GALNT10: variants seen among roughly 807,000 people sequenced by gnomAD.
GALNT10 encodes the protein GalNAc transferase 10.
GALNT10 carries 41 observed loss-of-function variants against 75.0 expected under a neutral mutation model. The observed-to-expected ratio is 0.55, with a 90% CI of 0.43 to 0.71. GALNT10 has a LOEUF of 0.71. Among genes scored for constraint, GALNT10 ranks in the 30% least tolerant of loss-of-function variants. The pLI is 0.00. For synonymous variants in GALNT10, 302 were observed against 313.0 expected (o/e 0.96, Z 0.37); for missense variants, 727 against 818.5 (o/e 0.89, Z 1.36).
chr5:154,222,916 T>C (rs1581926114), intron 1 of GALNT10, among the ~76,000 whole-genome samples: 1 of 152,202 alleles, frequency 6.6e-6, no homozygotes, highest in Non-Finnish European at 1.5e-5. Context: ...CCTAATAAGG[T>C]ATCAGTATCA....
chr5:154,270,240 G>A (rs964336571), intron 1 of GALNT10, among the ~76,000 whole-genome samples: 2 of 149,392 alleles, frequency 1.3e-5, no homozygotes, highest in East Asian at 2.0e-4. Flanking sequence ...TATTTCCTGC[G>A]GTGTGCCCTG....
At chr5:154,279,299 G>GTTT (rs1398081050) in intron 1 of GALNT10, among the ~76,000 whole-genome samples, 4 of 90,902 alleles carry the variant, frequency 4.4e-5, no homozygotes, top group African/African-American at 1.2e-4. Context: ...TGTTGTTGTT[G>GTTT]TTTTGTTTTT....
Position 154,380,646 on chromosome 5 carries a change from C to G in GALNT10, c.938+15C>G. 6.3e-7 allele frequency: 1 copy of G among 1,588,664 alleles called. No individual in the cohort carries two copies. The highest frequency in any genetic ancestry group is 8.6e-7 in the Non-Finnish European group (1 of 1,161,106). On this transcript the variant is annotated intron_variant, in intron 6 of 11. Transcript: ENST00000297107. ...GACCCATTTGAGTAAGTATGAACAA[C>G]CCTGGCTGGTCCCAGTGGCTACCCA...
At chr5:154,338,839 G>A (rs944431334) in intron 4 of GALNT10, among the ~76,000 whole-genome samples, 26 of 152,186 alleles carry the variant, frequency 1.7e-4, no homozygotes, top group African/African-American at 5.6e-4. Context: ...CTGATCCAGA[G>A]AACACAACAT....
intron 1 of GALNT10, among the ~76,000 whole-genome samples, chr5:154,237,124 C>T (rs984445814): frequency 2.0e-5 from 3 of 152,154 alleles, no homozygotes; most frequent in African/African-American, 7.2e-5. Context: ...AGTTTGGGAT[C>T]TTGCAAGTGA....
chr5:154,342,981 G>A (rs1174238405), intron 4 of GALNT10, among the ~76,000 whole-genome samples: 1 of 152,122 alleles, frequency 6.6e-6, no homozygotes, highest in Non-Finnish European at 1.5e-5. Context: ...GATTTTTTCA[G>A]TTGCCACGTG....
intron 4 of GALNT10, among the ~76,000 whole-genome samples, chr5:154,357,547 G>T (rs1002746747): frequency 6.6e-6 from 1 of 152,104 alleles, no homozygotes; most frequent in Non-Finnish European, 1.5e-5. Flanking sequence ...CTTTCAAGGT[G>T]CTGGAAACAG....
rs1046914257 is a variant in GALNT10, at chr5:154,376,723, A to G, written c.754+261A>G. The stretch of plus-strand genomic sequence containing the variant: ...ACCCAAAGTCACACAGCACATGAGC[A>G]TCTAGTGACATGACGGCTTTCCTCA... On this transcript the variant is annotated intron_variant, in intron 5 of 11. Transcript: ENST00000297107. The surrounding 1 kb of genome is among the most constrained non-coding windows in gnomAD (Gnocchi z 4.1). Among the ~76,000 whole-genome samples, 3 of 152,188 alleles carry G rather than the reference A, an allele frequency of 2.0e-5. 1 individual carries two copies. In the South Asian group the frequency reaches 6.2e-4, roughly 32 times the overall value.
chr5:154,355,608 G>C (rs866051177), intron 4 of GALNT10, among the ~76,000 whole-genome samples: 1 of 152,248 alleles, frequency 6.6e-6, no homozygotes, highest in Non-Finnish European at 1.5e-5. Flanking sequence ...AGCTGCCATT[G>C]CATGTCAAAG....
At position 154,249,309 on chromosome 5, in the gene GALNT10, C is replaced by T. The variant is rs150580455; in HGVS notation, c.160-45507C>T. On this transcript the variant is annotated intron_variant, in intron 1 of 11. Transcript: ENST00000297107. The stretch of plus-strand genomic sequence containing the variant: ...ATGCTAATGCTGCCGGACTGGGGAC[C>T]GCACTGTCCTAGGTGCTCTTTCTGT... 2.6e-5 allele frequency among the ~76,000 whole-genome samples: 4 copies of T among 152,258 alleles called. 1 individual carries two copies. The highest frequency in any genetic ancestry group is 1.9e-4 in the East Asian group (1 of 5,186).
chr5:154,305,753 C>T (rs531785391), intron 3 of GALNT10, among the ~76,000 whole-genome samples: 4 of 152,292 alleles, frequency 2.6e-5, no homozygotes, highest in African/African-American at 9.6e-5. Context: ...CACAGTGGCT[C>T]TCACCTGTAA....
chr5:154,383,725 C>G (rs1038931003), intron 6 of GALNT10, among the ~76,000 whole-genome samples: 1 of 152,222 alleles, frequency 6.6e-6, no homozygotes, highest in Non-Finnish European at 1.5e-5. Context: ...TCAGCCTTTC[C>G]AAGCGGTAGA....
chr5:154,321,321 T>TTC (rs397687215), intron 3 of GALNT10, among the ~76,000 whole-genome samples: 14 of 151,446 alleles, frequency 9.2e-5, no homozygotes, highest in African/African-American at 3.4e-4. Context: ...TTTTTTTTTT[T>TTC]CTCCTTGAGA....
intron 1 of GALNT10, among the ~76,000 whole-genome samples, chr5:154,243,442 C>T (rs1014458651): frequency 4.6e-5 from 7 of 152,204 alleles, no homozygotes; most frequent in Admixed American, 6.5e-5. Flanking sequence ...ACATAAGCAA[C>T]TTTCCCTTTT....
intron 1 of GALNT10, among the ~76,000 whole-genome samples, chr5:154,236,717 C>T (rs1482533891): frequency 3.9e-5 from 6 of 152,190 alleles, no homozygotes; most frequent in Non-Finnish European, 8.8e-5. Context: ...TATGATCTTG[C>T]GGTTGGAGCA....
intron 1 of GALNT10, among the ~76,000 whole-genome samples, chr5:154,254,098 G>T (rs987863076): frequency 6.6e-6 from 1 of 152,176 alleles, no homozygotes; most frequent in South Asian, 2.1e-4. Flanking sequence ...AGGACCAGCA[G>T]CCACTGTTTC....
At chr5:154,206,171 G>A (rs1466061817) in intron 1 of GALNT10, among the ~76,000 whole-genome samples, 1 of 152,104 alleles carries the variant, frequency 6.6e-6, no homozygotes, top group Non-Finnish European at 1.5e-5. Context: ...CTCTCTTTCT[G>A]TGGAGGATTA....
intron 1 of GALNT10, among the ~76,000 whole-genome samples, chr5:154,201,148 T>C (rs991072770): frequency 6.6e-6 from 1 of 152,160 alleles, no homozygotes; most frequent in African/African-American, 2.4e-5. Context: ...ACCTGGGCAC[T>C]TCACCCTTTC....
intron 1 of GALNT10, among the ~76,000 whole-genome samples, chr5:154,208,882 G>C (rs1359114374): frequency 6.6e-6 from 1 of 152,184 alleles, no homozygotes. Context: ...TGAGTTAACA[G>C]CACCCAAGGA....
Sources: gnomAD v4.1 joint callset for allele counts (sites outside exome capture counted in the v4.1 genomes callset) on GRCh38, gnomAD v4.1.1 for gene constraint, Gnocchi (gnomAD v3.1) non-coding constraint, MANE v1.5 for transcripts, NCBI Gene and HGNC (gene_info 2026-07-23, HGNC 2026-07-21) for gene names.